EPB41L2: variants seen among roughly 807,000 people sequenced by gnomAD.
The protein encoded by EPB41L2 is band 4.1-like protein 2.
EPB41L2 carries 43 observed loss-of-function variants against 113.0 expected under a neutral mutation model. The observed-to-expected ratio is 0.38, with a 90% confidence interval of 0.30 to 0.49. EPB41L2 has a LOEUF of 0.49. EPB41L2 is among the 20% of genes least tolerant of loss of function. The probability of loss-of-function intolerance (pLI) is 0.95; values close to 1 mark genes in which losing one functional copy is unlikely to be tolerated. For missense variants in EPB41L2, 1,147 were observed against 1,223.4 expected, an observed-to-expected ratio of 0.94 and a Z score of 0.93; for synonymous variants, 442 against 436.7, an observed-to-expected ratio of 1.01 and a Z score of -0.15.
At chr6:130,841,279 T>G (rs1376655600) in intron 19 of EPB41L2, among the ~76,000 whole-genome samples, 1 of 149,368 alleles carries the variant, frequency 6.7e-6, no homozygotes, top group Non-Finnish European at 1.5e-5. Context: ...CAGTTGGCAA[T>G]CTACTACAAT....
chr6:130,993,400 T>C (rs1471681852), intron 1 of EPB41L2, among the ~76,000 whole-genome samples: 1 of 152,206 alleles, frequency 6.6e-6, no homozygotes, highest in Non-Finnish European at 1.5e-5. Flanking sequence ...TGCAAGGCTC[T>C]TGTATCGGTT....
chr6:130,982,504 A>T (rs1779602781), intron 1 of EPB41L2, among the ~76,000 whole-genome samples: 1 of 152,140 alleles, frequency 6.6e-6, no homozygotes. Context: ...AATAACAAAT[A>T]AAAAAATAGG....
At chr6:130,990,752 T>C (rs1781636853) in intron 1 of EPB41L2, among the ~76,000 whole-genome samples, 1 of 152,108 alleles carries the variant, frequency 6.6e-6, no homozygotes, top group Non-Finnish European at 1.5e-5. Context: ...CGAATGAGTA[T>C]GGTTGGTATA....
At chr6:130,846,416 C>T (rs1777059275) in intron 19 of EPB41L2, among the ~76,000 whole-genome samples, 1 of 152,176 alleles carries the variant, frequency 6.6e-6, no homozygotes, top group South Asian at 2.1e-4. Flanking sequence ...ATAAAGTGGT[C>T]CTGAGACCAT....
In EPB41L2 at chr6:130,890,171, C is replaced by T. The variant is rs138338232; in HGVS notation, c.1660+123G>A. 75 of 967,214 alleles carry T rather than the reference C, an allele frequency of 7.8e-5. No individual in the cohort carries two copies. The East Asian group carries it at 1.0e-3, about 14-fold the overall frequency. The allele number at this position is 967,214 out of a possible 1,614,324, so 59.9% of individuals were successfully genotyped here. ...TGTAAGTAATAGCATTTTATTTACTCGGGAAAAAATGGCTATCCCTGTAGG... is the reference window on the plus strand; with the variant it reads ...TGTAAGTAATAGCATTTTATTTACTTGGGAAAAAATGGCTATCCCTGTAGG... On this transcript the variant is annotated intron_variant, in intron 11 of 19. Coordinates refer to ENST00000337057, the MANE Select transcript of EPB41L2 (RefSeq NM_001431.4).
chr6:130,936,835 A>C (rs1808978702), intron 3 of EPB41L2, among the ~76,000 whole-genome samples: 1 of 152,212 alleles, frequency 6.6e-6, no homozygotes, highest in South Asian at 2.1e-4. Flanking sequence ...CCAAACATGC[A>C]CTTAGTAAGA....
At chr6:130,924,640 A>G (rs1009021185) in intron 4 of EPB41L2, among the ~76,000 whole-genome samples, 3 of 152,138 alleles carry the variant, frequency 2.0e-5, no homozygotes. Context: ...TCAGCCTCCC[A>G]AAGTGCTGGG....
intron 1 of EPB41L2, among the ~76,000 whole-genome samples, chr6:131,048,422 A>G (rs1795910680): frequency 6.6e-6 from 1 of 152,224 alleles, no homozygotes; most frequent in African/African-American, 2.4e-5. Flanking sequence ...TGACTAAAAC[A>G]ATATTCAGAT....
intron 2 of EPB41L2, 151 bp from the exon 3 acceptor site, chr6:130,955,468 G>C (rs955393786): frequency 3.6e-6 from 3 of 823,914 alleles, no homozygotes; most frequent in African/African-American, 1.7e-5. Flanking sequence ...CCAATAGAAA[G>C]GATATTTCCC....
intron 1 of EPB41L2, among the ~76,000 whole-genome samples, chr6:130,975,076 T>C (rs781373967): frequency 2.0e-5 from 3 of 152,204 alleles, no homozygotes; most frequent in Non-Finnish European, 4.4e-5. Context: ...AGCAGAGAAG[T>C]ACACAAAGCA....
chr6:130,890,392 G>A lies in EPB41L2; in HGVS notation c.1562C>T (p.Thr521Ile). The change falls in exon 11 of 20, where the codon ACC becomes ATC. Residue 521 changes from threonine (T) to isoleucine (I), a missense_variant. By Grantham distance (89) the Thr-to-Ile change is moderately conservative. Transcript: ENST00000337057. ...GCTGGCCTGGCGGGTCTGTGCTTGG[G>A]TGCGGCCACTATAGCGAAATTTGGA... ...LGSKFRYSGR[T>I]QAQTRQASTL... The A allele has an allele frequency of 6.2e-7, 1 of 1,613,482 alleles. No individual in the cohort carries two copies. Among genetic ancestry groups the A allele is most frequent in the Non-Finnish European group, 8.5e-7 (1 of 1,179,862 alleles).
At chr6:130,927,566 A>G (rs1207679688) in intron 3 of EPB41L2, among the ~76,000 whole-genome samples, 3 of 152,166 alleles carry the variant, frequency 2.0e-5, no homozygotes, top group Non-Finnish European at 4.4e-5. Context: ...GTGAAAAAGA[A>G]AAAGCCATCA....
chr6:131,006,546 T>C (rs1024426142), intron 1 of EPB41L2, among the ~76,000 whole-genome samples: 43 of 151,346 alleles, frequency 2.8e-4, no homozygotes, highest in African/African-American at 9.9e-4. Flanking sequence ...GGTGCGCGCC[T>C]GTATTTCCAG....
intron 1 of EPB41L2, among the ~76,000 whole-genome samples, chr6:131,051,151 T>C (rs1211535102): frequency 6.6e-6 from 1 of 152,038 alleles, no homozygotes; most frequent in Non-Finnish European, 1.5e-5. Context: ...ACCAATAACA[T>C]ATCAGTCATC....
At chr6:130,945,191 T>G (rs1382807672) in intron 3 of EPB41L2, among the ~76,000 whole-genome samples, 2 of 152,202 alleles carry the variant, frequency 1.3e-5, no homozygotes, top group Non-Finnish European at 2.9e-5. Flanking sequence ...TTGAAACTGT[T>G]TAACTAGTAA....
intron 3 of EPB41L2, among the ~76,000 whole-genome samples, chr6:130,939,348 G>A (rs1006210024): frequency 1.3e-5 from 2 of 151,910 alleles, no homozygotes; most frequent in Non-Finnish European, 2.9e-5. Context: ...CCGCCTGTCG[G>A]GTTCAAGCAA....
At chr6:130,857,279 G>A (rs972851215) in intron 19 of EPB41L2, among the ~76,000 whole-genome samples, 1 of 152,090 alleles carries the variant, frequency 6.6e-6, no homozygotes, top group Admixed American at 6.5e-5. Context: ...TAGTGAGGCT[G>A]CACATTTTTT....
At chr6:130,974,717 C>CTTTTTTTTTTTTCTTTTTTT in intron 1 of EPB41L2, among the ~76,000 whole-genome samples, 1 of 64,642 alleles carries the variant, frequency 1.5e-5, no homozygotes, top group Non-Finnish European at 2.7e-5. Context: ...CTTTTCTTTT[C>CTTTTTTTTTTTTCTTTTTTT]TTTTTTTTTT....
At chr6:130,954,032 T>TTTTCTTTCTTTC (rs368152825) in intron 3 of EPB41L2, among the ~76,000 whole-genome samples, 2 of 96,588 alleles carry the variant, frequency 2.1e-5, no homozygotes, top group South Asian at 4.5e-4. Flanking sequence ...TTGCTAGTCC[T>TTTTCTTTCTTTC]TTTCTTTCTT....
Sources: gnomAD v4.1 joint callset for allele counts (sites outside exome capture counted in the v4.1 genomes callset) on GRCh38, gnomAD v4.1.1 for gene constraint, MANE v1.5 for transcripts, NCBI Gene and HGNC (gene_info 2026-07-23, HGNC 2026-07-21) for gene names.